The following RAD23A variants were observed in gnomAD, a reference collection of about 807,000 sequenced individuals.
RAD23A encodes the protein RAD23 nucleotide excision repair protein A.
A neutral mutation model predicts 44.8 loss-of-function variants in RAD23A; 16 were observed. That is an observed-to-expected ratio of 0.36 (90% CI 0.24 to 0.54). The LOEUF (loss-of-function observed/expected upper bound fraction) is 0.54, where lower values mean the gene tolerates loss of function less well. Ranked by LOEUF, RAD23A falls within the 20% of genes least tolerant of loss-of-function variation. The pLI is 0.89. For missense variants in RAD23A, 380 were observed against 483.3 expected (o/e 0.79, Z 2.00); for synonymous variants, 217 against 202.9 (o/e 1.07, Z -0.59).
At position 12,948,536 on chromosome 19, in the gene RAD23A, C is replaced by T. The variant is rs201128109; in HGVS notation, c.456C>T (p.Asp152=). ...PSSGSSGREE[D]AASTLVTGSE... ...CAGGTAGCAGCGGGCGAGAGGAAGA[C>T]GCGGCCTCCACGCTAGGTGGGTGGG... Residue 152 remains aspartate, a synonymous_variant, in exon 4 of 9, where the codon GAC becomes GAT. Coordinates refer to ENST00000586534, the MANE Select transcript of RAD23A (RefSeq NM_005053.4). This position sits in a 1 kb window ranked among gnomAD's most constrained non-coding sequence, Gnocchi z 5.5. 142 of 1,595,480 alleles carry T rather than the reference C, an allele frequency of 8.9e-5. No individual in the cohort carries two copies. The African/African-American group carries it at 1.1e-3, about 12-fold the overall frequency.
Position 12,948,586 on chromosome 19 carries a change from G to C in RAD23A, c.472+34G>C. 1 of 1,576,950 alleles carries C rather than the reference G, an allele frequency of 6.3e-7. No individual in the cohort carries two copies. The highest frequency in any genetic ancestry group is 8.6e-7 in the Non-Finnish European group (1 of 1,161,420). On this transcript the variant is annotated intron_variant, in intron 4 of 8. Transcript: ENST00000586534. The surrounding 1 kb of genome is among the most constrained non-coding windows in gnomAD (Gnocchi z 5.5). ...GTGGTCCCCAGGGCAGAGGTGACTG[G>C]GTGCCCCAGCCATCAGCTGGGCCTT...
rs1971849352 is a variant in RAD23A at position 12,952,741 on chromosome 19, G to A, written c.866G>A (p.Gly289Glu). 6.2e-7 allele frequency: 1 copy of A among 1,613,068 alleles called. No homozygotes were observed. The highest frequency in any genetic ancestry group is 1.7e-5 in the Admixed American group (1 of 59,972). Reference protein sequence around the residue: ...QFIQMLNEPPGELADISDVEG... With the variant: ...QFIQMLNEPPEELADISDVEG... ...ATCCAGATGCTGAACGAGCCCCCTG[G>A]GGAGCTGGCGGACATCTCAGATGTG... Residue 289 changes from glycine (G) to glutamate (E), a missense_variant, in exon 8 of 9, where the codon GGG (glycine) becomes GAG (glutamate). Around this residue, in one of 3 missense-constraint regions of RAD23A, gnomAD observed 279 missense variants for 313.7 expected, o/e 0.89. Coordinates refer to ENST00000586534, the MANE Select transcript of RAD23A (RefSeq NM_005053.4).
At chr19:12,951,582 G>A (rs1971813104) in intron 7 of RAD23A, among the ~76,000 whole-genome samples, 1 of 152,092 alleles carries the variant, frequency 6.6e-6, no homozygotes, top group South Asian at 2.1e-4. Flanking sequence ...GAGTAGCTGG[G>A]ATTACAGGCA....
intron 1 of RAD23A, among the ~76,000 whole-genome samples, chr19:12,946,243 C>G (rs1971670594): frequency 6.6e-6 from 1 of 152,192 alleles, no homozygotes. Flanking sequence ...GAGGCCCCAC[C>G]CCCGGGGCGC....
chr19:12,946,084 G>GGGGGGGGGGGGGGGGGGGCC, intron 1 of RAD23A, 64 bp downstream of exon 1: 1 of 512,138 alleles, frequency 2.0e-6, no homozygotes, highest in Non-Finnish European at 3.7e-6. Flanking sequence ...TGGGGGCGGG[G>GGGGGGGGGGGGGGGGGGGCC]AGGCTAGAAT....
At chr19:12,950,169 G>A (rs1021600999) in intron 7 of RAD23A, among the ~76,000 whole-genome samples, 1 of 152,060 alleles carries the variant, frequency 6.6e-6, no homozygotes, top group Admixed American at 6.6e-5. Flanking sequence ...TAGACTAGAC[G>A]TCTAAGACTT....
chr19:12,951,695 C>T (rs1330164642), intron 7 of RAD23A, among the ~76,000 whole-genome samples: 1 of 152,232 alleles, frequency 6.6e-6, no homozygotes, highest in Non-Finnish European at 1.5e-5. Flanking sequence ...ATCTGCCTGC[C>T]TCAGCCTCCC....
In RAD23A at chr19:12,948,857, C is replaced by A. The variant is rs755477697; in HGVS notation, c.600+44C>A. 6.4e-7 allele frequency: 1 copy of A among 1,568,784 alleles called. No homozygotes were observed. Among genetic ancestry groups the A allele is most frequent in the Non-Finnish European group, 8.6e-7 (1 of 1,161,302 alleles). Reference sequence around the variant, plus strand: ...CTCCCGGGGAGGCCTTGAGGGAGTACCCGGGCGTCACTGCCCTGATGGGCG... The same window carrying A: ...CTCCCGGGGAGGCCTTGAGGGAGTAACCGGGCGTCACTGCCCTGATGGGCG... On this transcript the variant is annotated intron_variant, in intron 5 of 8. Coordinates refer to ENST00000586534, the MANE Select transcript of RAD23A (RefSeq NM_005053.4). This position sits in a 1 kb window ranked among gnomAD's most constrained non-coding sequence, Gnocchi z 5.5.
In RAD23A at chr19:12,948,604, T is replaced by G. The variant is rs1339115484; in HGVS notation, c.472+52T>G. The G allele has an allele frequency of 2.5e-6, 4 of 1,576,038 alleles. No homozygotes were observed. Among genetic ancestry groups the G allele is most frequent in the Non-Finnish European group, 3.4e-6 (4 of 1,160,588 alleles). Reference sequence around the variant, plus strand: ...GTGACTGGGTGCCCCAGCCATCAGCTGGGCCTTGTCTGGGTGCGGGAGGGC... The same window carrying G: ...GTGACTGGGTGCCCCAGCCATCAGCGGGGCCTTGTCTGGGTGCGGGAGGGC... On this transcript the variant is annotated intron_variant, in intron 4 of 8. Transcript: ENST00000586534. This position sits in a 1 kb window ranked among gnomAD's most constrained non-coding sequence, Gnocchi z 5.5.
At position 12,953,107 on chromosome 19, in the gene RAD23A, T is replaced by G; in HGVS notation, c.*58T>G. On this transcript the variant is annotated 3_prime_UTR_variant, in exon 9 of 9. Transcript: ENST00000586534. The stretch of plus-strand genomic sequence containing the variant: ...CTACCCTTATTCCATGAAAGTTTTA[T>G]AAAAGAAAAAATATATATATATTCA... 1 of 1,205,168 alleles carries G rather than the reference T, an allele frequency of 8.3e-7. No individual in the cohort carries two copies. The highest frequency in any genetic ancestry group is 1.4e-5 in the South Asian group (1 of 72,910). 74.7% of individuals were successfully genotyped at this position (1,205,168 alleles called of 1,614,324 possible).
rs540096055 is a variant in RAD23A, at chr19:12,946,053, C to A, written c.72+33C>A. ...CCGGGCCGGAGCCCGGGGGCGGGAGCGACGGGTTTCGGGGGTGGGGTGGGG... is the reference window on the plus strand; with the variant it reads ...CCGGGCCGGAGCCCGGGGGCGGGAGAGACGGGTTTCGGGGGTGGGGTGGGG... On this transcript the variant is annotated intron_variant, in intron 1 of 8. Transcript: ENST00000586534. 9 of 404,476 alleles carry A rather than the reference C, an allele frequency of 2.2e-5. No individual in the cohort carries two copies. In the East Asian group the frequency reaches 1.1e-3, roughly 48 times the overall value. 25.1% of individuals were successfully genotyped at this position (404,476 alleles called of 1,614,324 possible).
intron 7 of RAD23A, among the ~76,000 whole-genome samples, chr19:12,951,716 G>A (rs1359080246): frequency 6.6e-6 from 1 of 152,180 alleles, no homozygotes; most frequent in East Asian, 1.9e-4. Context: ...AAAGTACTGG[G>A]ATTGCAGGCA....
rs1971840016 is a variant in RAD23A at position 12,952,479 on chromosome 19, A to C, written c.814-210A>C. ...AGTGCTGGGATTACAGGTGTGAGCC[A>C]CCGTGCCCGGCTTATTTCTTGGCTC... On this transcript the variant is annotated intron_variant, in intron 7 of 8. Coordinates refer to ENST00000586534, the MANE Select transcript of RAD23A (RefSeq NM_005053.4). 5.2e-6 allele frequency: 3 copies of C among 574,056 alleles called. No individual in the cohort carries two copies. The Admixed American group carries it at 1.0e-4, about 19-fold the overall frequency. 35.6% of individuals were successfully genotyped at this position (574,056 alleles called of 1,614,324 possible). A position where few individuals can be genotyped will look rare whatever the true frequency, so the allele number is the denominator to read the frequency against.
intron 1 of RAD23A, among the ~76,000 whole-genome samples, 181 bp from the exon 2 acceptor site, chr19:12,947,667 T>G (rs1458453789): frequency 1.3e-5 from 2 of 152,182 alleles, no homozygotes; most frequent in African/African-American, 4.8e-5. Context: ...AAGTAAATAC[T>G]GTGTTGAATG....
rs1025446349 is a variant in RAD23A, at chr19:12,953,117, A to T, written c.*68A>T. Reference sequence around the variant, plus strand: ...TCCATGAAAGTTTTATAAAAGAAAAAATATATATATATTCATGTTTATTTA... The same window carrying T: ...TCCATGAAAGTTTTATAAAAGAAAATATATATATATATTCATGTTTATTTA... On this transcript the variant is annotated 3_prime_UTR_variant, in exon 9 of 9. Transcript: ENST00000586534. The T allele has an allele frequency of 4.6e-5, 47 of 1,014,082 alleles. No individual in the cohort carries two copies. The Admixed American group carries it at 6.5e-4, about 14-fold the overall frequency. The allele number at this position is 1,014,082 out of a possible 1,614,324, so 62.8% of individuals were successfully genotyped here. A position where few individuals can be genotyped will look rare whatever the true frequency, so the allele number is the denominator to read the frequency against.
intron 1 of RAD23A, 92 bp from the exon 2 acceptor site, chr19:12,947,756 C>A: frequency 1.5e-6 from 2 of 1,322,972 alleles, no homozygotes; most frequent in South Asian, 1.3e-5. Flanking sequence ...GCTTGCCTTT[C>A]TGCCATCAGG....
At position 12,948,792 on chromosome 19, in the gene RAD23A, A is replaced by G; in HGVS notation, c.579A>G (p.Arg193=). The G allele has an allele frequency of 1.2e-6, 2 of 1,611,212 alleles. No homozygotes were observed. The change falls in exon 5 of 9, where the codon CGA becomes CGG. Residue 193 remains arginine (R), a synonymous_variant. Transcript: ENST00000586534. This position sits in a 1 kb window ranked among gnomAD's most constrained non-coding sequence, Gnocchi z 5.5. ...ALRASYNNPH[R]AVEYLLTGIP... ...GAGCCAGCTACAACAACCCCCACCGAGCCGTGGAGTATCTGCTCACGGTGA... is the reference window on the plus strand; with the variant it reads ...GAGCCAGCTACAACAACCCCCACCGGGCCGTGGAGTATCTGCTCACGGTGA...
Position 12,953,070 on chromosome 19 carries a change from G to A in RAD23A, c.*21G>A, listed in dbSNP as rs769419982. The A allele has an allele frequency of 1.1e-5, 18 of 1,572,838 alleles. No homozygotes were observed. The highest frequency in any genetic ancestry group is 5.4e-5 in the African/African-American group (4 of 73,944). On this transcript the variant is annotated 3_prime_UTR_variant, in exon 9 of 9. Coordinates refer to ENST00000586534, the MANE Select transcript of RAD23A (RefSeq NM_005053.4). Reference sequence around the variant, plus strand: ...AGTGATGCCAGGAAGCCAGGCCACCGAAGCCCCCACCCTACCCTTATTCCA... The same window carrying A: ...AGTGATGCCAGGAAGCCAGGCCACCAAAGCCCCCACCCTACCCTTATTCCA...
At position 12,949,532 on chromosome 19, in the gene RAD23A, C is replaced by T. The variant is rs187691121; in HGVS notation, c.813+124C>T. On this transcript the variant is annotated intron_variant, in intron 7 of 8. Coordinates refer to ENST00000586534, the MANE Select transcript of RAD23A (RefSeq NM_005053.4). ...AGCAGGACTAAGCACATGCTTCCCC[C>T]ACGCCCCTGTGCTTCCTGTGACCTG... 1.3e-4 allele frequency: 171 copies of T among 1,345,696 alleles called. No homozygotes were observed. In the Middle Eastern group the frequency reaches 2.3e-3, roughly 18 times the overall value. 83.4% of individuals were successfully genotyped at this position (1,345,696 alleles called of 1,614,324 possible).
Sources: gnomAD v4.1 joint callset for allele counts (sites outside exome capture counted in the v4.1 genomes callset) on GRCh38, gnomAD v4.1.1 for gene constraint, gnomAD v4.1.1 regional missense constraint, Gnocchi (gnomAD v3.1) non-coding constraint, MANE v1.5 for transcripts, NCBI Gene and HGNC (gene_info 2026-07-23, HGNC 2026-07-21) for gene names.